The following ENTREP2 variants were observed in gnomAD, a reference collection of about 807,000 sequenced individuals.
ENTREP2 encodes the protein protein ENTREP2.
the ENTREP2 span, among the ~76,000 whole-genome samples, chr15:29,209,228 G>A: frequency 7.9e-5 from 12 of 152,180 alleles, no homozygotes; most frequent in Admixed American, 3.9e-4. Context: ...CTGTCTGGTC[G>A]TGGTGGCTCA....
the ENTREP2 span, among the ~76,000 whole-genome samples, chr15:29,596,591 A>T: frequency 1.3e-5 from 2 of 152,314 alleles, no homozygotes; most frequent in South Asian, 4.1e-4. Flanking sequence ...ACATTGTTCC[A>T]TACATTTGTG....
chr15:29,189,029 C>T, the ENTREP2 span, among the ~76,000 whole-genome samples: 2 of 152,240 alleles, frequency 1.3e-5, no homozygotes, highest in Non-Finnish European at 2.9e-5. Flanking sequence ...TGTGCACCTG[C>T]ATCCTGCCTC....
At chr15:29,623,789 T>A in the ENTREP2 span, among the ~76,000 whole-genome samples, 1 of 152,034 alleles carries the variant, frequency 6.6e-6, no homozygotes, top group African/African-American at 2.4e-5. Flanking sequence ...GAGGGTAAGG[T>A]ATCTCCACCA....
At chr15:29,119,942 A>G in the ENTREP2 span, among the ~76,000 whole-genome samples, 1 of 152,216 alleles carries the variant, frequency 6.6e-6, no homozygotes, top group Non-Finnish European at 1.5e-5. Flanking sequence ...CACATCTTTA[A>G]AAAACCTGTA....
the ENTREP2 span, among the ~76,000 whole-genome samples, chr15:29,657,483 C>CGGGGCGGGGCGG: frequency 1.4e-5 from 1 of 69,382 alleles, no homozygotes; most frequent in African/African-American, 6.0e-5. Flanking sequence ...GCTGGGGGGG[C>CGGGGCGGGGCGG]GGGGGGGGGG....
chr15:29,545,058 C>T, the ENTREP2 span, among the ~76,000 whole-genome samples: 3 of 152,184 alleles, frequency 2.0e-5, no homozygotes, highest in African/African-American at 7.2e-5. Flanking sequence ...TTCCATCGGG[C>T]TAAGCTCCAC....
the ENTREP2 span, among the ~76,000 whole-genome samples, chr15:29,413,407 C>T: frequency 5.3e-5 from 8 of 152,068 alleles, no homozygotes; most frequent in East Asian, 1.9e-4. Context: ...TTTCTTTATA[C>T]GCTTTGCAGT....
chr15:29,411,915 C>T, the ENTREP2 span, among the ~76,000 whole-genome samples: 44 of 152,310 alleles, frequency 2.9e-4, 1 homozygote, highest in African/African-American at 9.9e-4. Flanking sequence ...ATGCTTCAGG[C>T]TCTATCTTAT....
the ENTREP2 span, among the ~76,000 whole-genome samples, chr15:29,176,113 G>A: frequency 2.0e-5 from 3 of 152,356 alleles, no homozygotes; most frequent in South Asian, 2.1e-4. Context: ...TTAGCCTTTC[G>A]CCTCTTGAGT....
the ENTREP2 span, among the ~76,000 whole-genome samples, chr15:29,175,689 C>T: frequency 6.6e-6 from 1 of 152,234 alleles, no homozygotes; most frequent in Non-Finnish European, 1.5e-5. Flanking sequence ...ACAGCAACCT[C>T]CACCTCCCAG....
chr15:29,394,885 T>A, the ENTREP2 span, among the ~76,000 whole-genome samples: 27 of 78,334 alleles, frequency 3.4e-4, no homozygotes, highest in African/African-American at 1.3e-3. Context: ...AGAATCTCTT[T>A]TTTTTTTTTT....
the ENTREP2 span, among the ~76,000 whole-genome samples, chr15:29,345,139 G>C: frequency 2.4e-4 from 36 of 152,258 alleles, no homozygotes; most frequent in East Asian, 3.3e-3. Context: ...CCGTACCGTA[G>C]GTAGTAAGTG....
the ENTREP2 span, among the ~76,000 whole-genome samples, chr15:29,187,112 A>G: frequency 6.6e-6 from 1 of 152,102 alleles, no homozygotes; most frequent in African/African-American, 2.4e-5. Context: ...TATCACCCAT[A>G]CACACTGAAA....
At chr15:29,250,387 A>C in the ENTREP2 span, among the ~76,000 whole-genome samples, 1 of 152,204 alleles carries the variant, frequency 6.6e-6, no homozygotes, top group African/African-American at 2.4e-5. Flanking sequence ...ACCATCAACC[A>C]AACAGATGTA....
the ENTREP2 span, among the ~76,000 whole-genome samples, chr15:29,138,663 ATGTG>A: frequency 5.3e-5 from 8 of 149,594 alleles, no homozygotes; most frequent in Admixed American, 4.7e-4. Flanking sequence ...GTGCATGTAG[ATGTG>A]TGTGTCTCTG....
At chr15:29,167,358 A>C in the ENTREP2 span, among the ~76,000 whole-genome samples, 1 of 152,218 alleles carries the variant, frequency 6.6e-6, no homozygotes. Flanking sequence ...ATGGCAAAAG[A>C]AACAGTCAGT....
the ENTREP2 span, among the ~76,000 whole-genome samples, chr15:29,410,724 C>T: frequency 6.6e-6 from 1 of 152,214 alleles, no homozygotes; most frequent in Non-Finnish European, 1.5e-5. Flanking sequence ...TTGTTGCACA[C>T]AGCTATAGTT....
the ENTREP2 span, among the ~76,000 whole-genome samples, chr15:29,302,065 C>T: frequency 6.6e-6 from 1 of 152,134 alleles, no homozygotes; most frequent in Non-Finnish European, 1.5e-5. Context: ...TATTGAAGCT[C>T]TAAACCCATG....
chr15:29,166,492 T>C, the ENTREP2 span, among the ~76,000 whole-genome samples: 1 of 152,194 alleles, frequency 6.6e-6, no homozygotes, highest in Middle Eastern at 3.2e-3. Flanking sequence ...ACAAGATGAA[T>C]GTACAGAAGT....
Sources: gnomAD v4.1 joint callset for allele counts (sites outside exome capture counted in the v4.1 genomes callset) on GRCh38, gnomAD v4.1.1 for gene constraint, MANE v1.5 for transcripts, NCBI Gene and HGNC (gene_info 2026-07-23, HGNC 2026-07-21) for gene names.